KCNK2: variants seen among roughly 807,000 people sequenced by gnomAD.
KCNK2 encodes the protein potassium channel subfamily K member 2.
A neutral mutation model predicts 40.5 loss-of-function variants in KCNK2; 21 were observed. That is an observed-to-expected ratio of 0.52 (90% CI 0.37 to 0.75). The LOEUF is 0.75. KCNK2 is among the 30% of genes least tolerant of loss of function. The pLI is 0.00. For missense variants in KCNK2, 399 were observed against 531.6 expected (o/e 0.75, Z 2.45); for synonymous variants, 191 against 202.2 (o/e 0.94, Z 0.47).
intron 3 of KCNK2, among the ~76,000 whole-genome samples, chr1:215,162,857 A>C (rs1036608440): frequency 7.2e-6 from 1 of 139,414 alleles, no homozygotes; most frequent in Non-Finnish European, 1.5e-5. Flanking sequence ...GTCAGGTAGC[A>C]TGATACTGCC....
chr1:215,022,879 G>A (rs1047217672), intron 1 of KCNK2, among the ~76,000 whole-genome samples: 1 of 152,194 alleles, frequency 6.6e-6, no homozygotes, highest in African/African-American at 2.4e-5. Context: ...GACTTTTAAA[G>A]TGAAAGTCAG....
intron 1 of KCNK2, among the ~76,000 whole-genome samples, chr1:215,076,619 G>A (rs1488130652): frequency 6.6e-6 from 1 of 152,156 alleles, no homozygotes; most frequent in Non-Finnish European, 1.5e-5. Context: ...AGAGCACAAA[G>A]GAGAAACCCC....
intron 3 of KCNK2, among the ~76,000 whole-genome samples, chr1:215,147,145 C>T (rs1662455553): frequency 6.6e-6 from 1 of 152,120 alleles, no homozygotes. Flanking sequence ...TATGGGTCTT[C>T]TTTTTAATTT....
intron 2 of KCNK2, among the ~76,000 whole-genome samples, chr1:215,088,260 G>T (rs1008423415): frequency 2.0e-5 from 3 of 152,146 alleles, no homozygotes; most frequent in African/African-American, 7.2e-5. Flanking sequence ...AGCAGTAAAA[G>T]CTTCAACTTT....
intron 6 of KCNK2, among the ~76,000 whole-genome samples, chr1:215,227,615 G>C (rs1003349019): frequency 5.9e-5 from 9 of 152,128 alleles, no homozygotes; most frequent in East Asian, 1.9e-4. Context: ...GAAAGTACTA[G>C]GTCGATTTGT....
At chr1:215,076,215 C>G (rs1429009855) in intron 1 of KCNK2, among the ~76,000 whole-genome samples, 1 of 152,144 alleles carries the variant, frequency 6.6e-6, no homozygotes, top group Non-Finnish European at 1.5e-5. Flanking sequence ...ATTTGTGTAT[C>G]AGGTCTGAAA....
intron 3 of KCNK2, among the ~76,000 whole-genome samples, chr1:215,148,640 A>T (rs766317625): frequency 1.8e-4 from 27 of 152,170 alleles, no homozygotes; most frequent in Non-Finnish European, 2.6e-4. Flanking sequence ...ATTCCCAGAG[A>T]TTCTCTGCTC....
At chr1:215,146,989 T>G (rs917390900) in intron 3 of KCNK2, among the ~76,000 whole-genome samples, 1 of 152,182 alleles carries the variant, frequency 6.6e-6, no homozygotes, top group African/African-American at 2.4e-5. Context: ...TTATTGGTAA[T>G]GAAAATTATT....
At chr1:215,049,613 T>C (rs1315835109) in intron 1 of KCNK2, among the ~76,000 whole-genome samples, 4 of 152,188 alleles carry the variant, frequency 2.6e-5, no homozygotes, top group African/African-American at 7.2e-5. Context: ...CTCTAAAAGT[T>C]TTACACCTCT....
chr1:215,186,115 G>A (rs1050437104), intron 5 of KCNK2, among the ~76,000 whole-genome samples: 27 of 152,254 alleles, frequency 1.8e-4, no homozygotes, highest in African/African-American at 6.5e-4. Flanking sequence ...GATTTTCTAT[G>A]ATAAGAGAAC....
intron 6 of KCNK2, among the ~76,000 whole-genome samples, chr1:215,230,104 C>T (rs199655917): frequency 0.48 from 67,688 of 139,798 alleles, 18,364 homozygotes; most frequent in Non-Finnish European, 0.58. Flanking sequence ...CACACACACA[C>T]ACACACACAC....
intron 1 of KCNK2, among the ~76,000 whole-genome samples, chr1:215,025,755 C>T (rs183484191): frequency 6.6e-6 from 1 of 152,032 alleles, no homozygotes; most frequent in African/African-American, 2.4e-5. Flanking sequence ...CTGTGGATTA[C>T]CGTGGTTTAT....
intron 1 of KCNK2, among the ~76,000 whole-genome samples, chr1:215,072,092 C>G (rs1439592223): frequency 6.6e-6 from 1 of 152,180 alleles, no homozygotes; most frequent in Non-Finnish European, 1.5e-5. Context: ...CTCCTTAGTG[C>G]TGGCCCTGCA....
chr1:215,175,141 C>A (rs1663901902), intron 5 of KCNK2, among the ~76,000 whole-genome samples: 1 of 152,066 alleles, frequency 6.6e-6, no homozygotes, highest in Non-Finnish European at 1.5e-5. Flanking sequence ...AGATACGTCC[C>A]ATCAATGCCT....
intron 3 of KCNK2, among the ~76,000 whole-genome samples, chr1:215,162,957 C>T (rs1401973066): frequency 6.6e-6 from 1 of 150,986 alleles, no homozygotes; most frequent in Non-Finnish European, 1.5e-5. Flanking sequence ...TTTTCTAATT[C>T]TGTGAAGAAA....
intron 3 of KCNK2, among the ~76,000 whole-genome samples, chr1:215,133,794 C>A (rs903082251): frequency 2.0e-5 from 3 of 152,044 alleles, no homozygotes; most frequent in Non-Finnish European, 4.4e-5. Flanking sequence ...ACAATGCTGA[C>A]GTGACTTATT....
chr1:215,198,872 C>A lies in KCNK2; in HGVS notation c.963+3780C>A, dbSNP rs185937676. ...CCAAGTGATAATACTTGGACACATGCTTTCCCTGAATGAAAAGATTTTGGC... is the reference window on the plus strand; with the variant it reads ...CCAAGTGATAATACTTGGACACATGATTTCCCTGAATGAAAAGATTTTGGC... On this transcript the variant is annotated intron_variant, in intron 6 of 6. Transcript: ENST00000444842. Among the ~76,000 whole-genome samples the A allele has an allele frequency of 1.4e-4, 21 of 152,250 alleles. No homozygotes were observed. In the East Asian group the frequency reaches 4.0e-3, roughly 29 times the overall value.
At chr1:215,021,619 C>A (rs1201230172) in intron 1 of KCNK2, among the ~76,000 whole-genome samples, 1 of 148,034 alleles carries the variant, frequency 6.8e-6, no homozygotes, top group East Asian at 2.1e-4. Flanking sequence ...GATCTCCGCT[C>A]GCTGCAAGCT....
chr1:215,038,782 G>A (rs1173714062), intron 1 of KCNK2, among the ~76,000 whole-genome samples: 2 of 151,968 alleles, frequency 1.3e-5, no homozygotes, highest in Non-Finnish European at 2.9e-5. Context: ...AAACATCACT[G>A]AAACCACTGA....
Sources: gnomAD v4.1 joint callset for allele counts (sites outside exome capture counted in the v4.1 genomes callset) on GRCh38, gnomAD v4.1.1 for gene constraint, MANE v1.5 for transcripts, NCBI Gene and HGNC (gene_info 2026-07-23, HGNC 2026-07-21) for gene names.